The following DENND2C variants were observed in gnomAD, a reference collection of about 807,000 sequenced individuals.
DENND2C encodes DENN domain containing 2C.
DENND2C carries 72 observed loss-of-function variants against 112.4 expected under a neutral mutation model. The ratio of observed to expected loss-of-function variants is 0.64; its 90% CI spans 0.53 to 0.78. The LOEUF (loss-of-function observed/expected upper bound fraction) is 0.78, where lower values mean the gene tolerates loss of function less well. Among genes scored for constraint, DENND2C ranks in the 30% least tolerant of loss-of-function variants. DENND2C has a pLI of 0.00. For synonymous variants in DENND2C, 329 were observed against 381.6 expected, an observed-to-expected ratio of 0.86 and a Z score of 1.61; for missense variants, 992 against 1,113.8, an observed-to-expected ratio of 0.89 and a Z score of 1.56.
Position 114,585,535 on chromosome 1 carries a change from C to T in DENND2C, c.*65G>A. 1.3e-6 allele frequency: 2 copies of T among 1,557,318 alleles called. No homozygotes were observed. The highest frequency in any genetic ancestry group is 4.5e-5 in the East Asian group (2 of 44,586). Reference sequence around the variant, plus strand: ...TGTAGAATACTTCATGGGATCCTGACCCTTAGAAAAATATTTTCTTTGGCA... The same window carrying T: ...TGTAGAATACTTCATGGGATCCTGATCCTTAGAAAAATATTTTCTTTGGCA... On this transcript the variant is annotated 3_prime_UTR_variant, in exon 21 of 21. Coordinates refer to ENST00000393274, the MANE Select transcript of DENND2C (RefSeq NM_001256404.2).
intron 8 of DENND2C, among the ~76,000 whole-genome samples, chr1:114,617,831 T>G (rs1270394533): frequency 1.3e-5 from 2 of 152,226 alleles, no homozygotes; most frequent in East Asian, 1.9e-4. Flanking sequence ...AATTTGTCTA[T>G]GAAATTTAGT....
intron 18 of DENND2C, among the ~76,000 whole-genome samples, chr1:114,588,758 A>AT (rs1023382196): frequency 7.2e-5 from 11 of 151,982 alleles, no homozygotes; most frequent in East Asian, 1.9e-4. Context: ...TTAAATAAAG[A>AT]TTTTTTTTCC....
intron 1 of DENND2C, among the ~76,000 whole-genome samples, chr1:114,662,465 C>A (rs921575813): frequency 2.6e-5 from 4 of 152,140 alleles, no homozygotes; most frequent in Non-Finnish European, 4.4e-5. Context: ...ATAATAATTT[C>A]TCTCCATATC....
At chr1:114,628,525 C>T (rs1656406372) in intron 3 of DENND2C, among the ~76,000 whole-genome samples, 1 of 152,130 alleles carries the variant, frequency 6.6e-6, no homozygotes, top group African/African-American at 2.4e-5. Flanking sequence ...GAAAAATGAA[C>T]TATTTCAAAA....
At chr1:114,647,512 T>G (rs1341691355) in intron 2 of DENND2C, among the ~76,000 whole-genome samples, 1 of 152,170 alleles carries the variant, frequency 6.6e-6, no homozygotes, top group Non-Finnish European at 1.5e-5. Context: ...CTCAAGCCAT[T>G]TAGTTGGCTT....
In DENND2C at chr1:114,585,511, G is replaced by A. The variant is rs543887916; in HGVS notation, c.*89C>T. 2.1e-6 allele frequency: 3 copies of A among 1,420,900 alleles called. No homozygotes were observed. Among genetic ancestry groups the A allele is most frequent in the Non-Finnish European group, 2.9e-6 (3 of 1,019,392 alleles). 88.0% of individuals were successfully genotyped at this position (1,420,900 alleles called of 1,614,324 possible). A position where few individuals can be genotyped will look rare whatever the true frequency, so the allele number is the denominator to read the frequency against. On this transcript the variant is annotated 3_prime_UTR_variant, in exon 21 of 21. Coordinates refer to ENST00000393274, the MANE Select transcript of DENND2C (RefSeq NM_001256404.2). ...AACCTTTTAAAATTTCAAGAATTTT[G>A]TAGAATACTTCATGGGATCCTGACC... is the stretch of plus-strand genomic sequence containing the variant.
intron 1 of DENND2C, among the ~76,000 whole-genome samples, chr1:114,659,480 C>T (rs1657427456): frequency 3.9e-5 from 6 of 152,096 alleles, no homozygotes; most frequent in Non-Finnish European, 8.8e-5. Flanking sequence ...CCAGCCTGAG[C>T]TACAGAGCTA....
At chr1:114,617,639 G>A (rs1487774603) in intron 8 of DENND2C, among the ~76,000 whole-genome samples, 2 of 148,212 alleles carry the variant, frequency 1.3e-5, no homozygotes, top group Non-Finnish European at 3.0e-5. Context: ...TACAAGTTGA[G>A]TACCACATAC....
intron 1 of DENND2C, among the ~76,000 whole-genome samples, chr1:114,655,883 A>ATATATATATATATATATATATATAT (rs1557960847): frequency 3.2e-4 from 40 of 125,870 alleles, no homozygotes; most frequent in East Asian, 1.6e-3. Context: ...TATATGTATA[A>ATATATATATATATATATATATATAT]ATATATATAT....
At chr1:114,593,902 AAAC>A (rs754091316) in intron 18 of DENND2C, among the ~76,000 whole-genome samples, 1 of 152,260 alleles carries the variant, frequency 6.6e-6, no homozygotes, top group Non-Finnish European at 1.5e-5. Flanking sequence ...CATAAAGATA[AAAC>A]AAAATGTATG....
Position 114,602,282 on chromosome 1 carries a change from A to G in DENND2C, c.1668-88T>C, listed in dbSNP as rs576011472. On this transcript the variant is annotated intron_variant, in intron 11 of 20. Coordinates refer to ENST00000393274, the MANE Select transcript of DENND2C (RefSeq NM_001256404.2). ...ACAAACAATTGAAAACTAGAGTCCA[A>G]CAGTAGTCATTTTGTGATCTAGTTA... is the stretch of plus-strand genomic sequence containing the variant. The G allele has an allele frequency of 4.5e-6, 6 of 1,327,714 alleles. No individual in the cohort carries two copies. The African/African-American group carries it at 7.3e-5, about 16-fold the overall frequency. The allele number at this position is 1,327,714 out of a possible 1,614,324, so 82.2% of individuals were successfully genotyped here. A position where few individuals can be genotyped will look rare whatever the true frequency, so the allele number is the denominator to read the frequency against.
At position 114,666,886 on chromosome 1, in the gene DENND2C, T is replaced by C. The variant is rs946351360; in HGVS notation, c.-574+3097A>G. 9.2e-5 allele frequency among the ~76,000 whole-genome samples: 14 copies of C among 152,264 alleles called. 1 individual carries two copies. Among genetic ancestry groups the C allele is most frequent in the Admixed American group, 9.2e-4 (14 of 15,294 alleles). On this transcript the variant is annotated intron_variant, in intron 1 of 20. Coordinates refer to ENST00000393274, the MANE Select transcript of DENND2C (RefSeq NM_001256404.2). ...CAAACTGAACTAATTACTCATTTCATTGTTCCAAATGAAGGGAAGTGAAAT... is the reference window on the plus strand; with the variant it reads ...CAAACTGAACTAATTACTCATTTCACTGTTCCAAATGAAGGGAAGTGAAAT...
chr1:114,623,114 T>TTTTTTTATTGTTTACATAAAATTGTA lies in DENND2C; in HGVS notation c.944-16_944-15insTACAATTTTATGTAAACAATAAAAAA. ...TTTGGTGGGATCTTAAAAAATAATT[T>TTTTTTTATTGTTTACATAAAATTGTA]AAAAAAATGTTTACATGAACATAAT... On this transcript the variant is annotated splice_polypyrimidine_tract_variant and intron_variant, in intron 5 of 20. Transcript: ENST00000393274. 1 of 1,587,090 alleles carries TTTTTTTATTGTTTACATAAAATTGTA rather than the reference T, an allele frequency of 6.3e-7. No individual in the cohort carries two copies. Among genetic ancestry groups the TTTTTTTATTGTTTACATAAAATTGTA allele is most frequent in the Non-Finnish European group, 8.6e-7 (1 of 1,167,680 alleles).
In DENND2C at chr1:114,647,177, G is replaced by A. The variant is rs767281677; in HGVS notation, c.-316-1618C>T. Reference sequence around the variant, plus strand: ...ATTCTATCTTAAAAAAAAAAAGAGAGAGAGAGAGAGAGAGAATATTCAGGG... The same window carrying A: ...ATTCTATCTTAAAAAAAAAAAGAGAAAGAGAGAGAGAGAGAATATTCAGGG... On this transcript the variant is annotated intron_variant, in intron 2 of 20. Transcript: ENST00000393274. Among the ~76,000 whole-genome samples, 777 of 143,766 alleles carry A rather than the reference G, an allele frequency of 5.4e-3. 11 individuals carry two copies. Among genetic ancestry groups the A allele is most frequent in the Non-Finnish European group, 8.6e-3 (561 of 65,368 alleles). The allele number at this position is 143,766 out of a possible 152,430, so 94.3% of individuals were successfully genotyped here. A position where few individuals can be genotyped will look rare whatever the true frequency, so the allele number is the denominator to read the frequency against.
intron 16 of DENND2C, among the ~76,000 whole-genome samples, chr1:114,597,201 T>C (rs6663132): frequency 0.026 from 4,015 of 152,220 alleles, 96 homozygotes; most frequent in Non-Finnish European, 0.034. Flanking sequence ...CCCAGCACTT[T>C]GGGAGGCTGA....
intron 3 of DENND2C, among the ~76,000 whole-genome samples, chr1:114,626,885 A>AC (rs1164234946): frequency 4.0e-5 from 6 of 150,928 alleles, no homozygotes; most frequent in African/African-American, 7.3e-5. Flanking sequence ...ACATCTCAAA[A>AC]CCCCCCCAAA....
In DENND2C at chr1:114,662,314, CAG is replaced by C. The variant is rs1657518190; in HGVS notation, c.-573-7555_-573-7554del. Among the ~76,000 whole-genome samples the C allele has an allele frequency of 9.2e-5, 14 of 151,536 alleles. No homozygotes were observed. The South Asian group carries it at 2.5e-3, about 27-fold the overall frequency. ...TTTTTTACTCCAACAGAAAAAAAGACAGAGAAAAATGCAAATCCCTTTTAAGT... is the reference window on the plus strand; with the variant it reads ...TTTTTTACTCCAACAGAAAAAAAGACAGAAAAATGCAAATCCCTTTTAAGT... On this transcript the variant is annotated intron_variant, in intron 1 of 20. Transcript: ENST00000393274.
At chr1:114,588,065 G>A in intron 18 of DENND2C, 113 bp from the exon 19 acceptor site, 2 of 883,706 alleles carry the variant, frequency 2.3e-6, no homozygotes, top group South Asian at 3.5e-5. Flanking sequence ...TTAAAGGACT[G>A]AGAATAAATC....
chr1:114,585,444 A>T lies in DENND2C; in HGVS notation c.*156T>A. On this transcript the variant is annotated 3_prime_UTR_variant, in exon 21 of 21. Transcript: ENST00000393274. ...ACAATTCTCCAGTGATTACTACAGC[A>T]GCAACAGGAGAATCCTCCTCTAACA... 2 of 706,850 alleles carry T rather than the reference A, an allele frequency of 2.8e-6. No individual in the cohort carries two copies. Among genetic ancestry groups the T allele is most frequent in the East Asian group, 2.7e-5 (1 of 37,086 alleles). 43.8% of individuals were successfully genotyped at this position (706,850 alleles called of 1,614,324 possible).
Sources: allele counts gnomAD v4.1 joint callset (sites outside exome capture counted in the v4.1 genomes callset), GRCh38; gene constraint gnomAD v4.1.1; transcripts MANE v1.5; gene names NCBI Gene and HGNC (gene_info 2026-07-23, HGNC 2026-07-21).